DRC9: variants seen among roughly 807,000 people sequenced by gnomAD.
DRC9 encodes dynein regulatory complex protein 9.
At chr3:197,902,358 A>G in the DRC9 span, among the ~76,000 whole-genome samples, 1 of 152,198 alleles carries the variant, frequency 6.6e-6, no homozygotes, top group African/African-American at 2.4e-5. Context: ...ACATGACCTC[A>G]CCAAACAAAT....
chr3:197,904,903 T>C, the DRC9 span, among the ~76,000 whole-genome samples: 1 of 152,204 alleles, frequency 6.6e-6, no homozygotes, highest in Non-Finnish European at 1.5e-5. Flanking sequence ...TGGCGTACTA[T>C]TCGGCCCAGA....
chr3:197,913,934 G>A, the DRC9 span: 2 of 1,614,000 alleles, frequency 1.2e-6, no homozygotes, highest in Non-Finnish European at 1.7e-6. Context: ...TTCTGGGTCT[G>A]GGCAATCTGC....
the DRC9 span, chr3:197,913,423 T>A: frequency 7.5e-6 from 2 of 268,378 alleles, no homozygotes; most frequent in Non-Finnish European, 1.4e-5. Flanking sequence ...CTCCTGGCAT[T>A]TTTCACCGTG....
the DRC9 span, among the ~76,000 whole-genome samples, chr3:197,926,765 A>G: frequency 1.3e-5 from 2 of 152,148 alleles, no homozygotes; most frequent in Non-Finnish European, 2.9e-5. Flanking sequence ...CTTTGGCTCA[A>G]GGACTCTTGA....
At chr3:197,944,459 T>A in the DRC9 span, among the ~76,000 whole-genome samples, 1 of 149,636 alleles carries the variant, frequency 6.7e-6, no homozygotes, top group Non-Finnish European at 1.5e-5. Flanking sequence ...TTTTATTTTA[T>A]TTTTTTTGAG....
the DRC9 span, among the ~76,000 whole-genome samples, chr3:197,889,881 G>T: frequency 6.6e-6 from 1 of 152,164 alleles, no homozygotes; most frequent in Non-Finnish European, 1.5e-5. Context: ...CTCTCCTGTC[G>T]TGCAGGACCC....
chr3:197,949,881 G>T, the DRC9 span: 1 of 394,404 alleles, frequency 2.5e-6, no homozygotes. Flanking sequence ...TCCACTCAGG[G>T]TTCGCCTTTC....
chr3:197,947,106 C>T, the DRC9 span, among the ~76,000 whole-genome samples: 2 of 152,188 alleles, frequency 1.3e-5, no homozygotes, highest in African/African-American at 2.4e-5. Flanking sequence ...CCAAGGCGCC[C>T]AGGCGGATTT....
At chr3:197,951,112 G>T in the DRC9 span, 1 of 1,613,006 alleles carries the variant, frequency 6.2e-7, no homozygotes, top group Non-Finnish European at 8.5e-7. Context: ...AAGTCAGATT[G>T]GTTTTTTGAA....
the DRC9 span, among the ~76,000 whole-genome samples, chr3:197,946,434 CAAAAA>C: frequency 2.8e-5 from 2 of 72,618 alleles, no homozygotes; most frequent in African/African-American, 4.3e-5. Context: ...GACTCCGTCT[CAAAAA>C]AAAAAAAAAA....
the DRC9 span, among the ~76,000 whole-genome samples, chr3:197,903,663 G>A: frequency 2.6e-5 from 4 of 151,954 alleles, no homozygotes; most frequent in African/African-American, 9.7e-5. Context: ...AATATAAAAG[G>A]CTTCTGCATA....
At chr3:197,955,465 T>C in the DRC9 span, among the ~76,000 whole-genome samples, 26 of 152,240 alleles carry the variant, frequency 1.7e-4, no homozygotes, top group African/African-American at 6.3e-4. Flanking sequence ...GGTTTTACCA[T>C]GTTGGCCAGG....
At chr3:197,913,852 G>A in the DRC9 span, 1 of 1,611,638 alleles carries the variant, frequency 6.2e-7, no homozygotes. Context: ...GCCATCTCCT[G>A]GGTTCTTGGC....
At chr3:197,904,053 C>CATAT in the DRC9 span, among the ~76,000 whole-genome samples, 5 of 91,936 alleles carry the variant, frequency 5.4e-5, no homozygotes, top group Non-Finnish European at 1.1e-4. Context: ...TATATACATA[C>CATAT]ATATATATAT....
At chr3:197,910,749 G>A in the DRC9 span, among the ~76,000 whole-genome samples, 1 of 152,192 alleles carries the variant, frequency 6.6e-6, no homozygotes, top group Admixed American at 6.5e-5. Context: ...GGAGGCCGAG[G>A]CAGGTGGATT....
At chr3:197,903,253 C>G in the DRC9 span, among the ~76,000 whole-genome samples, 544 of 152,320 alleles carry the variant, frequency 3.6e-3, 6 homozygotes, top group African/African-American at 0.012. Flanking sequence ...ACTGGGGAAA[C>G]TCTCCAGGAC....
At chr3:197,913,916 T>C in the DRC9 span, 1 of 1,614,182 alleles carries the variant, frequency 6.2e-7, no homozygotes, top group South Asian at 1.1e-5. Context: ...TCTGTTCTGT[T>C]ACACTTTTTC....
At chr3:197,956,744 C>G in the DRC9 span, 1 of 151,932 alleles carries the variant, frequency 6.6e-6, no homozygotes, top group African/African-American at 2.4e-5. Flanking sequence ...AACCTCCTGC[C>G]TCAGCCTCCT....
chr3:197,955,797 A>G, the DRC9 span: 1 of 1,582,310 alleles, frequency 6.3e-7, no homozygotes, highest in Non-Finnish European at 8.7e-7. Context: ...CAATAAATAA[A>G]TGTGGATTTG....
Sources: gnomAD v4.1 joint callset for allele counts (sites outside exome capture counted in the v4.1 genomes callset) on GRCh38, gnomAD v4.1.1 for gene constraint, MANE v1.5 for transcripts, NCBI Gene and HGNC (gene_info 2026-07-23, HGNC 2026-07-21) for gene names.